The following NRG1 variants were observed in gnomAD, a reference collection of about 807,000 sequenced individuals.
NRG1 encodes neuregulin 1.
NRG1 carries 18 observed loss-of-function variants against 63.8 expected under a neutral mutation model. The observed-to-expected ratio is 0.28, with a 90% confidence interval of 0.19 to 0.42. The LOEUF (loss-of-function observed/expected upper bound fraction) is 0.42. Ranked by LOEUF, NRG1 falls within the 10% of genes least tolerant of loss-of-function variation. The pLI, the probability that NRG1 is intolerant of heterozygous loss-of-function variation, is 1.00. For synonymous variants in NRG1, 302 were observed against 301.3 expected (o/e 1.00, Z -0.02); for missense variants, 762 against 814.7 (o/e 0.94, Z 0.79).
intron 1 of NRG1, among the ~76,000 whole-genome samples, chr8:32,000,369 G>C (rs1812723552): frequency 6.6e-6 from 1 of 151,562 alleles, no homozygotes; most frequent in African/African-American, 2.4e-5. Context: ...TCTTCACCTT[G>C]TTCTTTTTTT....
chr8:32,648,187 T>C (rs1446875918), intron 5 of NRG1: 1 of 1,614,068 alleles, frequency 6.2e-7, no homozygotes, highest in Non-Finnish European at 8.5e-7. Context: ...CAAGTTACAG[T>C]GCAAGGTGAC....
chr8:32,179,680 T>G (rs528293109), intron 1 of NRG1, among the ~76,000 whole-genome samples: 26 of 152,292 alleles, frequency 1.7e-4, no homozygotes, highest in African/African-American at 6.3e-4. Flanking sequence ...ACAGTCTATC[T>G]TTAATATTCA....
At chr8:32,218,049 G>A (rs939960253) in intron 1 of NRG1, among the ~76,000 whole-genome samples, 5 of 152,132 alleles carry the variant, frequency 3.3e-5, no homozygotes, top group Non-Finnish European at 7.3e-5. Context: ...GAAAAATGAT[G>A]GATAGTTATC....
At chr8:32,323,090 T>C (rs942496533) in intron 1 of NRG1, among the ~76,000 whole-genome samples, 1 of 152,108 alleles carries the variant, frequency 6.6e-6, no homozygotes, top group East Asian at 1.9e-4. Flanking sequence ...TGCTCGGTTT[T>C]ACACAAAGCT....
intron 1 of NRG1, among the ~76,000 whole-genome samples, chr8:32,516,535 G>A (rs2129503947): frequency 6.6e-6 from 1 of 152,230 alleles, no homozygotes; most frequent in African/African-American, 2.4e-5. Flanking sequence ...CCATTTTAAT[G>A]ATATTAATTC....
chr8:31,720,288 A>C (rs1326618880), intron 1 of NRG1, among the ~76,000 whole-genome samples: 2 of 152,090 alleles, frequency 1.3e-5, no homozygotes, highest in African/African-American at 4.8e-5. Context: ...TTTTGAGTAG[A>C]TATGTGTATG....
chr8:32,540,271 T>C (rs927204534), intron 1 of NRG1, among the ~76,000 whole-genome samples: 5 of 152,118 alleles, frequency 3.3e-5, no homozygotes, highest in African/African-American at 7.2e-5. Flanking sequence ...TGAGAAAATA[T>C]ATATTAAATT....
intron 1 of NRG1, among the ~76,000 whole-genome samples, chr8:32,186,405 A>G (rs1841968311): frequency 6.6e-6 from 1 of 151,422 alleles, no homozygotes; most frequent in Non-Finnish European, 1.5e-5. Context: ...AGTTTGCAGT[A>G]AGCCGAGATG....
At chr8:32,623,355 A>G (rs990952355) in intron 5 of NRG1, among the ~76,000 whole-genome samples, 10 of 152,214 alleles carry the variant, frequency 6.6e-5, no homozygotes, top group African/African-American at 2.4e-4. Context: ...TCTTAGCTGG[A>G]AAAATGCCAT....
intron 1 of NRG1, among the ~76,000 whole-genome samples, chr8:32,060,995 A>G (rs1290182376): frequency 2.0e-5 from 3 of 151,932 alleles, no homozygotes; most frequent in Non-Finnish European, 2.9e-5. Flanking sequence ...TCATCCCAAA[A>G]TAGCACACCC....
At chr8:32,082,948 C>T (rs1378728658) in intron 1 of NRG1, among the ~76,000 whole-genome samples, 1 of 152,102 alleles carries the variant, frequency 6.6e-6, no homozygotes, top group East Asian at 1.9e-4. Context: ...TCCCCAATTC[C>T]TCCCTCATCA....
chr8:32,427,389 C>A (rs1422101842), intron 1 of NRG1, among the ~76,000 whole-genome samples: 1 of 152,090 alleles, frequency 6.6e-6, no homozygotes, highest in African/African-American at 2.4e-5. Flanking sequence ...ATCCTTCCTG[C>A]GATCACAGCT....
intron 1 of NRG1, among the ~76,000 whole-genome samples, chr8:32,215,764 G>A (rs77322925): frequency 0.067 from 10,199 of 152,200 alleles, 657 homozygotes; most frequent in African/African-American, 0.17. Flanking sequence ...GGTAGTTGCA[G>A]GGTGCAGTGG....
chr8:32,639,830 C>T (rs1225526883), intron 5 of NRG1, among the ~76,000 whole-genome samples: 1 of 152,152 alleles, frequency 6.6e-6, no homozygotes, highest in Non-Finnish European at 1.5e-5. Flanking sequence ...TTCAATCACT[C>T]CCATTTTTAA....
At chr8:31,687,810 G>T (rs1809059958) in intron 1 of NRG1, among the ~76,000 whole-genome samples, 2 of 152,212 alleles carry the variant, frequency 1.3e-5, no homozygotes, top group African/African-American at 4.8e-5. Flanking sequence ...GGCCAAAGTG[G>T]CCAGGTCTTT....
At chr8:32,056,750 C>T (rs1239579295) in intron 1 of NRG1, among the ~76,000 whole-genome samples, 1 of 152,118 alleles carries the variant, frequency 6.6e-6, no homozygotes, top group Non-Finnish European at 1.5e-5. Flanking sequence ...TTATATGAGA[C>T]CCAGGGGGAA....
chr8:31,997,404 C>G (rs186369187), intron 1 of NRG1, among the ~76,000 whole-genome samples: 2 of 151,928 alleles, frequency 1.3e-5, no homozygotes, highest in African/African-American at 4.8e-5. Flanking sequence ...TCTGGCTAGG[C>G]AATAGGGTGC....
chr8:32,650,126 G>A (rs1325938699), intron 5 of NRG1, among the ~76,000 whole-genome samples: 1 of 152,160 alleles, frequency 6.6e-6, no homozygotes, highest in Non-Finnish European at 1.5e-5. Flanking sequence ...CTAAGACCAT[G>A]TCAGAAAGTA....
intron 1 of NRG1, among the ~76,000 whole-genome samples, chr8:32,413,182 T>C (rs994414571): frequency 1.3e-5 from 2 of 152,196 alleles, no homozygotes; most frequent in African/African-American, 4.8e-5. Context: ...CGCAAAACAT[T>C]TATAACAGTA....
Sources: allele counts gnomAD v4.1 joint callset (sites outside exome capture counted in the v4.1 genomes callset), GRCh38; gene constraint gnomAD v4.1.1; transcripts MANE v1.5; gene names NCBI Gene and HGNC (gene_info 2026-07-23, HGNC 2026-07-21).